Variants in FRMD8 observed in about 807,000 individuals in gnomAD.
FRMD8 encodes the protein FERM domain-containing protein 8.
In FRMD8, 37 loss-of-function variants were observed where a neutral mutation model predicts 54.2. The observed-to-expected ratio is 0.68, with a 90% CI of 0.53 to 0.90. The LOEUF (loss-of-function observed/expected upper bound fraction) is 0.90, where lower values mean the gene tolerates loss of function less well. Among genes scored for constraint, FRMD8 ranks in the 40% least tolerant of loss-of-function variants. The pLI, the probability that FRMD8 is intolerant of heterozygous loss-of-function variation, is 0.00. For synonymous variants in FRMD8, 246 were observed against 286.9 expected, an observed-to-expected ratio of 0.86 and a Z score of 1.44; for missense variants, 585 against 653.7, an observed-to-expected ratio of 0.89 and a Z score of 1.15.
At chr11:65,388,369 C>G (rs1338869926) in intron 2 of FRMD8, among the ~76,000 whole-genome samples, 1 of 152,142 alleles carries the variant, frequency 6.6e-6, no homozygotes, top group Non-Finnish European at 1.5e-5. Context: ...AGAGTAGCTG[C>G]TGGAGCATAA....
intron 2 of FRMD8, 26 bp downstream of exon 2, chr11:65,387,147 C>G (rs1421018699): frequency 6.3e-7 from 1 of 1,580,496 alleles, no homozygotes; most frequent in Non-Finnish European, 8.6e-7. Flanking sequence ...ATCTCCTCTT[C>G]CACACCCTCC....
At chr11:65,376,448 T>C in the FRMD8 span, 2 of 1,613,960 alleles carry the variant, frequency 1.2e-6, no homozygotes, top group African/African-American at 1.3e-5. Flanking sequence ...CTGAGGAAGG[T>C]GACAGCATTG....
chr11:65,407,971 C>T (rs963194683), intron 10 of FRMD8, among the ~76,000 whole-genome samples: 3 of 151,638 alleles, frequency 2.0e-5, no homozygotes, highest in Non-Finnish European at 2.9e-5. Flanking sequence ...TGGCCGTCAG[C>T]GGCTGTAGCT....
chr11:65,391,636 G>A (rs930047658), intron 3 of FRMD8, among the ~76,000 whole-genome samples: 5 of 151,922 alleles, frequency 3.3e-5, no homozygotes, highest in African/African-American at 9.7e-5. Flanking sequence ...TCAGCCTCCC[G>A]AGTAGCTGGG....
At chr11:65,383,321 C>G (rs1353050936), upstream of FRMD8, 1 of 152,618 alleles carries the variant, frequency 6.6e-6, no homozygotes, top group East Asian at 1.9e-4. Flanking sequence ...CTCCTACCTC[C>G]TGCCTCTGGA....
At chr11:65,396,255 G>A (rs1013388511) in intron 6 of FRMD8, among the ~76,000 whole-genome samples, 3 of 152,234 alleles carry the variant, frequency 2.0e-5, no homozygotes, top group East Asian at 1.9e-4. Context: ...AGAGGCTGCC[G>A]GCTCAGGCAG....
intron 3 of FRMD8, 62 bp downstream of exon 3, chr11:65,389,590 G>A (rs1206382033): frequency 2.0e-6 from 3 of 1,476,824 alleles, no homozygotes; most frequent in Non-Finnish European, 2.7e-6. Context: ...CAGTACAGGA[G>A]GGAGGGGGCA....
At position 65,412,050 on chromosome 11, in the gene FRMD8, G is replaced by T. The variant is rs191184616; in HGVS notation, c.*690G>T. ...CCCTACCTGGGGTCCTGTGCCCCTC[G>T]TTCTGGTCTCCTTTGCAGGCACGAG... On this transcript the variant is annotated 3_prime_UTR_variant, in exon 11 of 11. Coordinates refer to ENST00000317568, the MANE Select transcript of FRMD8 (RefSeq NM_031904.5). 6.6e-6 allele frequency: 1 copy of T among 152,204 alleles called. No homozygotes were observed. The highest frequency in any genetic ancestry group is 1.5e-5 in the Non-Finnish European group (1 of 68,050). 9.4% of individuals were successfully genotyped at this position (152,204 alleles called of 1,614,324 possible). A position where few individuals can be genotyped will look rare whatever the true frequency, so the allele number is the denominator to read the frequency against.
chr11:65,389,607 G>A, intron 3 of FRMD8, 79 bp downstream of exon 3: 1 of 1,415,088 alleles, frequency 7.1e-7, no homozygotes, highest in Non-Finnish European at 9.5e-7. Context: ...GGCAGTGTTT[G>A]GAGCCGCTGG....
chr11:65,376,515 T>G, the FRMD8 span: 1 of 1,614,194 alleles, frequency 6.2e-7, no homozygotes, highest in South Asian at 1.1e-5. Context: ...CTCCCAGTCC[T>G]TCCTGCCGGA....
chr11:65,389,704 A>C (rs150616952), intron 3 of FRMD8, among the ~76,000 whole-genome samples, 176 bp downstream of exon 3: 21 of 152,172 alleles, frequency 1.4e-4, no homozygotes, highest in Middle Eastern at 3.4e-3. Flanking sequence ...GAGCCCTGAG[A>C]AGGCCCCCGC....
At chr11:65,392,908 G>C (rs1008327432) in intron 3 of FRMD8, among the ~76,000 whole-genome samples, 5 of 152,192 alleles carry the variant, frequency 3.3e-5, no homozygotes, top group Non-Finnish European at 7.4e-5. Context: ...AGGAGTCCAG[G>C]AAAAGAAGAA....
chr11:65,370,891 C>T, the FRMD8 span, among the ~76,000 whole-genome samples: 3 of 151,944 alleles, frequency 2.0e-5, no homozygotes, highest in Non-Finnish European at 4.4e-5. Flanking sequence ...ATAGTGAGAC[C>T]CCCATCTCTA....
At chr11:65,382,432 G>A (rs1277922991), upstream of FRMD8, 7 of 188,060 alleles carry the variant, frequency 3.7e-5, no homozygotes, top group Non-Finnish European at 5.7e-5. This position sits in a 1 kb window ranked among gnomAD's most constrained non-coding sequence, Gnocchi z 4.4. Flanking sequence ...GGCCCAGCCC[G>A]CATTTGCCGC....
chr11:65,398,924 G>A (rs1565605963), intron 7 of FRMD8, among the ~76,000 whole-genome samples: 1 of 152,008 alleles, frequency 6.6e-6, no homozygotes, highest in African/African-American at 2.4e-5. Flanking sequence ...TGGGTGGTGA[G>A]GGCAAGGGTG....
upstream of FRMD8, among the ~76,000 whole-genome samples, chr11:65,384,280 G>C (rs1590642739): frequency 6.6e-6 from 1 of 152,062 alleles, no homozygotes; most frequent in East Asian, 1.9e-4. Flanking sequence ...CCACCCACCT[G>C]CTATGCTCTC....
chr11:65,379,052 T>G, the FRMD8 span: 1 of 348,768 alleles, frequency 2.9e-6, no homozygotes, highest in Non-Finnish European at 5.3e-6. Context: ...AAGGTCTCCT[T>G]GGGGAGTGGG....
Position 65,404,289 on chromosome 11 carries a change from C to T in FRMD8, c.1072-575C>T, listed in dbSNP as rs1321561360. ...GGTGCCACCCTTTTAACACCCTCTGCGACTCCCTCAAACCCCTGAAGGCCC... is the reference window on the plus strand; with the variant it reads ...GGTGCCACCCTTTTAACACCCTCTGTGACTCCCTCAAACCCCTGAAGGCCC... On this transcript the variant is annotated intron_variant, in intron 9 of 10. Coordinates refer to ENST00000317568, the MANE Select transcript of FRMD8 (RefSeq NM_031904.5). This position sits in a 1 kb window ranked among gnomAD's most constrained non-coding sequence, Gnocchi z 4.7. Among the ~76,000 whole-genome samples, 2 of 152,176 alleles carry T rather than the reference C, an allele frequency of 1.3e-5. No individual in the cohort carries two copies. The highest frequency in any genetic ancestry group is 2.4e-5 in the African/African-American group (1 of 41,442).
chr11:65,377,075 G>T, the FRMD8 span: 11 of 1,612,306 alleles, frequency 6.8e-6, no homozygotes, highest in Non-Finnish European at 9.3e-6. Context: ...CAGACAGTAG[G>T]CCTGTTGGTG....
Sources: gnomAD v4.1 joint callset for allele counts (sites outside exome capture counted in the v4.1 genomes callset) on GRCh38, gnomAD v4.1.1 for gene constraint, Gnocchi (gnomAD v3.1) non-coding constraint, MANE v1.5 for transcripts, NCBI Gene and HGNC (gene_info 2026-07-23, HGNC 2026-07-21) for gene names.